The following ZAR1 variants were observed in gnomAD, a reference collection of about 807,000 sequenced individuals.
ZAR1 encodes zygote arrest protein 1.
Under a neutral mutation model 38.3 loss-of-function variants are expected in ZAR1, and 37 were observed. That is an observed-to-expected ratio of 0.97 (90% confidence interval 0.74 to 1.27). The LOEUF (loss-of-function observed/expected upper bound fraction) is 1.27, where lower values mean the gene tolerates loss of function less well. ZAR1 is among the 50% of genes most tolerant of loss of function. The probability of loss-of-function intolerance (pLI) is 0.00; values close to 1 mark genes in which losing one functional copy is unlikely to be tolerated. For missense variants in ZAR1, 651 were observed against 632.4 expected (o/e 1.03, Z -0.32); for synonymous variants, 336 against 292.0 (o/e 1.15, Z -1.53).
Position 48,490,707 on chromosome 4 carries a change from GC to G in ZAR1, c.420del (p.Ala142ProfsTer137). The G allele has an allele frequency of 3.7e-6, 5 of 1,333,806 alleles. No individual in the cohort carries two copies. Among genetic ancestry groups the G allele is most frequent in the Admixed American group, 4.1e-5 (1 of 24,468 alleles). The allele number at this position is 1,333,806 out of a possible 1,614,324, so 82.6% of individuals were successfully genotyped here. A position where few individuals can be genotyped will look rare whatever the true frequency, so the allele number is the denominator to read the frequency against. On this transcript the variant is annotated frameshift_variant, in exon 1 of 4. Transcript: ENST00000327939. LOFTEE classifies it high-confidence loss of function. The stretch of plus-strand genomic sequence containing the variant: ...GCCCGCGACCCCGAGTCCCCGGCCG[GC>G]CCCGGGGCCGAGGGCACCACGGGTG... ...RRARDPESPA[G>X]PGAEGTTGGG...
downstream of ZAR1, among the ~76,000 whole-genome samples, chr4:48,495,579 G>A (rs1718564936): frequency 6.6e-6 from 1 of 152,208 alleles, no homozygotes; most frequent in Non-Finnish European, 1.5e-5. Flanking sequence ...CCTGTGCTCG[G>A]TAGAGAAGAG....
Position 48,490,504 on chromosome 4 carries a change from C to T in ZAR1, c.213C>T (p.Ala71=). The change falls in exon 1 of 4, where the codon GCC becomes GCT. Residue 71 remains alanine (A), a synonymous_variant. Transcript: ENST00000327939. ...TCCCGGGCTGCGGGCGGCTGACGGCCGCCGAGTACTTCGACAGCTACCAGC... is the reference window on the plus strand; with the variant it reads ...TCCCGGGCTGCGGGCGGCTGACGGCTGCCGAGTACTTCGACAGCTACCAGC... ...LSFPGCGRLT[A]AEYFDSYQRE... 1.4e-6 allele frequency: 2 copies of T among 1,472,522 alleles called. No homozygotes were observed. The highest frequency in any genetic ancestry group is 1.8e-6 in the Non-Finnish European group (2 of 1,120,810). 91.2% of individuals were successfully genotyped at this position (1,472,522 alleles called of 1,614,324 possible).
chr4:48,490,708 C>A lies in ZAR1; in HGVS notation c.417C>A (p.Gly139=). The change falls in exon 1 of 4, where the codon GGC becomes GGA. Residue 139 remains glycine, a synonymous_variant. Coordinates refer to ENST00000327939, the MANE Select transcript of ZAR1 (RefSeq NM_175619.3). ...RRARDPESPA[G]PGAEGTTGGG... is the part of the protein sequence containing the mutation. ...CCCGCGACCCCGAGTCCCCGGCCGG[C>A]CCCGGGGCCGAGGGCACCACGGGTG... The A allele has an allele frequency of 7.5e-7, 1 of 1,334,890 alleles. No individual in the cohort carries two copies. Among genetic ancestry groups the A allele is most frequent in the Admixed American group, 4.1e-5 (1 of 24,590 alleles). 82.7% of individuals were successfully genotyped at this position (1,334,890 alleles called of 1,614,324 possible). A position where few individuals can be genotyped will look rare whatever the true frequency, so the allele number is the denominator to read the frequency against.
Position 48,492,750 on chromosome 4 carries a change from A to T in ZAR1, c.964-16A>T. 1 of 1,609,546 alleles carries T rather than the reference A, an allele frequency of 6.2e-7. No homozygotes were observed. The highest frequency in any genetic ancestry group is 8.5e-7 in the Non-Finnish European group (1 of 1,176,268). On this transcript the variant is annotated splice_polypyrimidine_tract_variant and intron_variant, in intron 1 of 3. Transcript: ENST00000327939. ...CAGGTGTTTTGTTGGTTAAATTGAC[A>T]TATCCTGTTGTTCAGTTCTTAGAGC... is the stretch of plus-strand genomic sequence containing the variant.
chr4:48,491,722 C>T (rs973710699), intron 1 of ZAR1, among the ~76,000 whole-genome samples: 3 of 152,244 alleles, frequency 2.0e-5, no homozygotes, highest in African/African-American at 7.2e-5. Flanking sequence ...TCTGATTTCT[C>T]CTTTACGAGC....
At chr4:48,491,852 G>GTTGC (rs1203511591) in intron 1 of ZAR1, among the ~76,000 whole-genome samples, 1 of 152,240 alleles carries the variant, frequency 6.6e-6, no homozygotes, top group Non-Finnish European at 1.5e-5. Flanking sequence ...ACTGCTCAGT[G>GTTGC]TTGCTGCCCG....
rs1274349014 is a variant in ZAR1 at position 48,491,241 on chromosome 4, G to A, written c.950G>A (p.Arg317Gln). The A allele has an allele frequency of 8.9e-6, 11 of 1,229,670 alleles. No individual in the cohort carries two copies. The highest frequency in any genetic ancestry group is 9.1e-6 in the Non-Finnish European group (9 of 985,668). The allele number at this position is 1,229,670 out of a possible 1,614,324, so 76.2% of individuals were successfully genotyped here. ...CGGAGCCCGGAGCTGGGCAAGGAGC[G>A]GCTGCGCTTCCAGGTAAAGCCTAGG... Reference protein sequence around the residue: ...SPRSPELGKERLRFQFLEQKY... With the variant: ...SPRSPELGKEQLRFQFLEQKY... Residue 317 changes from arginine to glutamine, a missense_variant, in exon 1 of 4, where the codon CGG (arginine) becomes CAG (glutamine). Around this residue, in one of 2 missense-constraint regions of ZAR1, gnomAD observed 129 missense variants for 172.5 expected, o/e 0.75. Transcript: ENST00000327939.
chr4:48,494,649 C>T (rs778973436), downstream of ZAR1, among the ~76,000 whole-genome samples: 5 of 151,736 alleles, frequency 3.3e-5, no homozygotes, highest in Non-Finnish European at 7.4e-5. Context: ...GCGATCGCGC[C>T]ACTGCACTCC....
At chr4:48,492,704 C>T (rs1718478751) in intron 1 of ZAR1, 62 bp from the exon 2 acceptor site, 8 of 1,508,952 alleles carry the variant, frequency 5.3e-6, no homozygotes, top group South Asian at 3.5e-5. Context: ...TCCTTCCCAA[C>T]GTCTGAAATG....
At chr4:48,493,879 G>T (rs1184414803) in intron 3 of ZAR1, among the ~76,000 whole-genome samples, 1 of 152,124 alleles carries the variant, frequency 6.6e-6, no homozygotes, top group Non-Finnish European at 1.5e-5. Context: ...TTCATAATTG[G>T]ATCTGATGCA....
Position 48,490,943 on chromosome 4 carries a change from G to T in ZAR1, c.652G>T (p.Ala218Ser). ...GGACGGAGAGAGGGGGCCGCCGCCC[G>T]CGCGGCTTCAAGGCCCAGAGGAGGG... ...ASDGERGPPP[A>S]RLQGPEEGEV... The change falls in exon 1 of 4, where the codon GCG (alanine) becomes TCG (serine). Residue 218 changes from alanine to serine, a missense_variant. Around this residue, in one of 2 missense-constraint regions of ZAR1, gnomAD observed 522 missense variants for 459.9 expected, o/e 1.14. Transcript: ENST00000327939. The T allele has an allele frequency of 1.5e-6, 2 of 1,341,798 alleles. No homozygotes were observed. Among genetic ancestry groups the T allele is most frequent in the Non-Finnish European group, 1.9e-6 (2 of 1,051,194 alleles). 83.1% of individuals were successfully genotyped at this position (1,341,798 alleles called of 1,614,324 possible).
chr4:48,493,035 T>G (rs766958306), intron 3 of ZAR1, 23 bp downstream of exon 3: 1 of 1,611,888 alleles, frequency 6.2e-7, no homozygotes, highest in Non-Finnish European at 8.5e-7. Flanking sequence ...TTTTGCATTT[T>G]GTCTGACCTG....
In ZAR1 at chr4:48,490,791, A is replaced by G; in HGVS notation, c.500A>G (p.Asn167Ser). The change falls in exon 1 of 4, where the codon AAC becomes AGC. Residue 167 changes from asparagine (N) to serine (S), a missense_variant. Asn to Ser is a conservative substitution (Grantham distance 46). Around this residue, in one of 2 missense-constraint regions of ZAR1, gnomAD observed 522 missense variants for 459.9 expected, o/e 1.14. Transcript: ENST00000327939. ...GGCCTGGAGCAGGGCAGCCCCCAGA[A>G]CGGCGCCCCGCGGCCCATGCGCTTC... ...RRGLEQGSPQNGAPRPMRFPR... is the reference protein window; with the variant it reads ...RRGLEQGSPQSGAPRPMRFPR... The G allele has an allele frequency of 6.7e-7, 1 of 1,502,954 alleles. No homozygotes were observed. The highest frequency in any genetic ancestry group is 2.1e-5 in the Admixed American group (1 of 47,962). 93.1% of individuals were successfully genotyped at this position (1,502,954 alleles called of 1,614,324 possible).
chr4:48,496,332 C>CTAT (rs966759678), downstream of ZAR1, among the ~76,000 whole-genome samples: 4 of 152,032 alleles, frequency 2.6e-5, no homozygotes, highest in Non-Finnish European at 5.9e-5. Flanking sequence ...GGTAGGAAAC[C>CTAT]TATTATTTGT....
chr4:48,490,472 T>C lies in ZAR1; in HGVS notation c.181T>C (p.Leu61=). 2 of 1,470,316 alleles carry C rather than the reference T, an allele frequency of 1.4e-6. No individual in the cohort carries two copies. The highest frequency in any genetic ancestry group is 1.8e-6 in the Non-Finnish European group (2 of 1,119,986). 91.1% of individuals were successfully genotyped at this position (1,470,316 alleles called of 1,614,324 possible). A position where few individuals can be genotyped will look rare whatever the true frequency, so the allele number is the denominator to read the frequency against. The part of the protein sequence containing the change: ...SSPCSAGAAS[L]SFPGCGRLTA... The stretch of plus-strand genomic sequence containing the variant: ...CCCCTGCTCGGCGGGCGCGGCCTCG[T>C]TGTCCTTCCCGGGCTGCGGGCGGCT... Residue 61 remains leucine (L), a synonymous_variant, in exon 1 of 4, where the codon TTG becomes CTG. Coordinates refer to ENST00000327939, the MANE Select transcript of ZAR1 (RefSeq NM_175619.3).
chr4:48,495,759 C>T (rs1396253218), downstream of ZAR1, among the ~76,000 whole-genome samples: 1 of 152,144 alleles, frequency 6.6e-6, no homozygotes, highest in Non-Finnish European at 1.5e-5. Context: ...CAGCTAAGCT[C>T]CAGTTCAAAT....
At chr4:48,495,137 TCTAA>T (rs1400592039), downstream of ZAR1, among the ~76,000 whole-genome samples, 1 of 152,170 alleles carries the variant, frequency 6.6e-6, no homozygotes, top group African/African-American at 2.4e-5. Flanking sequence ...GATGCCAGAC[TCTAA>T]CTGCGTCTAG....
Position 48,492,675 on chromosome 4 carries a change from A to AT in ZAR1, c.964-88dup, listed in dbSNP as rs1718476917. The stretch of plus-strand genomic sequence containing the variant: ...TTTCTTTCATGATCTGAAGTTGCCA[A>AT]TTTCAAATATCAAGTAGATCCTTCC... On this transcript the variant is annotated intron_variant, in intron 1 of 3. Transcript: ENST00000327939. 6.0e-6 allele frequency: 8 copies of AT among 1,327,486 alleles called. No individual in the cohort carries two copies. The Admixed American group carries it at 8.8e-5, about 15-fold the overall frequency. 82.2% of individuals were successfully genotyped at this position (1,327,486 alleles called of 1,614,324 possible). A position where few individuals can be genotyped will look rare whatever the true frequency, so the allele number is the denominator to read the frequency against.
At position 48,491,066 on chromosome 4, in the gene ZAR1, G is replaced by C. The variant is rs534944262; in HGVS notation, c.775G>C (p.Gly259Arg). 1.1e-5 allele frequency: 14 copies of C among 1,312,942 alleles called. No homozygotes were observed. In the East Asian group the frequency reaches 4.4e-4, roughly 41 times the overall value. 81.3% of individuals were successfully genotyped at this position (1,312,942 alleles called of 1,614,324 possible). Reference sequence around the variant, plus strand: ...AGCGAGCTGGGAGCAGCCGGCCGACGGTCCCGAGCTGCCGCCGCGAGAGGC... The same window carrying C: ...AGCGAGCTGGGAGCAGCCGGCCGACCGTCCCGAGCTGCCGCCGCGAGAGGC... ...VRASWEQPAD[G>R]PELPPREAQE... The change falls in exon 1 of 4, where the codon GGT (glycine) becomes CGT (arginine). Residue 259 changes from glycine to arginine, a missense_variant. This residue lies in a region of ZAR1 where 522 missense variants were observed against 459.9 expected (regional missense o/e 1.14). Transcript: ENST00000327939.
Sources: allele counts gnomAD v4.1 joint callset (sites outside exome capture counted in the v4.1 genomes callset), GRCh38; gene constraint gnomAD v4.1.1; regional missense constraint gnomAD v4.1.1; transcripts MANE v1.5; gene names NCBI Gene and HGNC (gene_info 2026-07-23, HGNC 2026-07-21).